The following SGCZ variants were observed in gnomAD, a reference collection of about 807,000 sequenced individuals.
The protein encoded by SGCZ is zeta-sarcoglycan.
Under a neutral mutation model 41.3 loss-of-function variants are expected in SGCZ, and 40 were observed. The observed-to-expected ratio is 0.97, with a 90% CI of 0.75 to 1.26. The LOEUF is 1.26. Among genes scored for constraint, SGCZ ranks in the 50% most tolerant of loss-of-function variants. The probability of loss-of-function intolerance (pLI) is 0.00; values close to 1 mark genes in which losing one functional copy is unlikely to be tolerated. For synonymous variants in SGCZ, 206 were observed against 137.5 expected (o/e 1.50, Z -3.49); for missense variants, 552 against 369.8 (o/e 1.49, Z -4.04).
chr8:14,782,908 T>G (rs542883778), intron 1 of SGCZ, among the ~76,000 whole-genome samples: 30 of 152,294 alleles, frequency 2.0e-4, no homozygotes, highest in Non-Finnish European at 2.5e-4. Context: ...AGAAATAAGA[T>G]GTGCTGAATC....
At chr8:14,272,613 T>C (rs1042214431) in intron 3 of SGCZ, among the ~76,000 whole-genome samples, 2 of 152,214 alleles carry the variant, frequency 1.3e-5, no homozygotes, top group Non-Finnish European at 2.9e-5. Context: ...AACTGCTGTA[T>C]GGTACCTCCT....
intron 5 of SGCZ, among the ~76,000 whole-genome samples, chr8:14,109,371 AT>A (rs982100636): frequency 1.3e-5 from 2 of 152,188 alleles, no homozygotes; most frequent in African/African-American, 4.8e-5. Flanking sequence ...TGGGAAAAAA[AT>A]GTTCCAAATA....
chr8:14,397,514 G>A (rs544189613), intron 2 of SGCZ, among the ~76,000 whole-genome samples: 4 of 152,062 alleles, frequency 2.6e-5, no homozygotes, highest in East Asian at 1.9e-4. Context: ...TGTGAAAGAC[G>A]GAAGTAACTC....
chr8:14,093,443 ATCTC>A (rs1186967139), intron 7 of SGCZ, among the ~76,000 whole-genome samples: 1 of 152,120 alleles, frequency 6.6e-6, no homozygotes, highest in African/African-American at 2.4e-5. Context: ...GATCTGGCCT[ATCTC>A]TCTAACATCA....
chr8:15,046,691 T>A (rs1348178561), intron 1 of SGCZ, among the ~76,000 whole-genome samples: 1 of 152,042 alleles, frequency 6.6e-6, no homozygotes, highest in East Asian at 1.9e-4. Context: ...TTGTTACTGA[T>A]GTGGCATTGC....
intron 4 of SGCZ, among the ~76,000 whole-genome samples, chr8:14,193,748 G>C (rs1805179766): frequency 6.6e-6 from 1 of 151,378 alleles, no homozygotes; most frequent in Non-Finnish European, 1.5e-5. Context: ...TATCTAACTT[G>C]TCTGAATGTC....
chr8:14,117,574 G>A (rs1802564351), intron 5 of SGCZ, among the ~76,000 whole-genome samples: 1 of 151,502 alleles, frequency 6.6e-6, no homozygotes, highest in Non-Finnish European at 1.5e-5. Flanking sequence ...AAAAGCTGAT[G>A]CCCTAATATA....
intron 2 of SGCZ, among the ~76,000 whole-genome samples, chr8:14,391,419 C>T (rs963040182): frequency 6.6e-6 from 1 of 151,844 alleles, no homozygotes; most frequent in African/African-American, 2.4e-5. Flanking sequence ...TGTTGTATAC[C>T]TATATACTAA....
intron 2 of SGCZ, among the ~76,000 whole-genome samples, chr8:14,516,904 T>A (rs12545302): frequency 6.6e-6 from 1 of 151,624 alleles, no homozygotes; most frequent in African/African-American, 2.4e-5. Flanking sequence ...ACACCAAGAG[T>A]ATATGGAAAC....
At chr8:14,348,712 G>A (rs543860825) in intron 2 of SGCZ, among the ~76,000 whole-genome samples, 2 of 152,186 alleles carry the variant, frequency 1.3e-5, no homozygotes, top group East Asian at 3.9e-4. Flanking sequence ...AAATTCAAAA[G>A]CTGATTTGGT....
chr8:15,153,859 A>T (rs1321122731), intron 1 of SGCZ, among the ~76,000 whole-genome samples: 2 of 152,098 alleles, frequency 1.3e-5, no homozygotes, highest in Non-Finnish European at 2.9e-5. Flanking sequence ...ATAAATCAGC[A>T]ATTTCCAACC....
intron 1 of SGCZ, among the ~76,000 whole-genome samples, chr8:14,667,864 T>C (rs1013872845): frequency 6.6e-6 from 1 of 152,198 alleles, no homozygotes; most frequent in African/African-American, 2.4e-5. Context: ...ATAAATACTA[T>C]CCCTATACAT....
intron 1 of SGCZ, among the ~76,000 whole-genome samples, chr8:14,850,715 G>T (rs539216322): frequency 6.6e-6 from 1 of 152,142 alleles, no homozygotes; most frequent in South Asian, 2.1e-4. Flanking sequence ...CATGTGTCAA[G>T]GGAGAGACCA....
chr8:15,017,532 T>C (rs1172378698), intron 1 of SGCZ, among the ~76,000 whole-genome samples: 1 of 152,154 alleles, frequency 6.6e-6, no homozygotes, highest in Non-Finnish European at 1.5e-5. Flanking sequence ...GACAGGGTCT[T>C]ACTCTGTCAC....
At chr8:14,442,327 C>A (rs1800294585) in intron 2 of SGCZ, among the ~76,000 whole-genome samples, 1 of 152,128 alleles carries the variant, frequency 6.6e-6, no homozygotes, top group Admixed American at 6.5e-5. Flanking sequence ...TTCCCTTGCA[C>A]ACACTCTCTT....
At chr8:14,354,958 T>C (rs1007261568) in intron 2 of SGCZ, among the ~76,000 whole-genome samples, 1 of 151,964 alleles carries the variant, frequency 6.6e-6, no homozygotes, top group South Asian at 2.1e-4. Flanking sequence ...TAAGCAGTTT[T>C]CTTAGTTCAA....
chr8:14,871,892 A>C (rs1187768516), intron 1 of SGCZ, among the ~76,000 whole-genome samples: 1 of 150,346 alleles, frequency 6.7e-6, no homozygotes, highest in Non-Finnish European at 1.5e-5. Flanking sequence ...ATGTATGTAT[A>C]TATGTATGTA....
At chr8:14,518,133 C>T (rs1348766438) in intron 2 of SGCZ, among the ~76,000 whole-genome samples, 1 of 151,738 alleles carries the variant, frequency 6.6e-6, no homozygotes, top group Non-Finnish European at 1.5e-5. Context: ...TCTTCTCTCT[C>T]TAAAAATATA....
intron 1 of SGCZ, among the ~76,000 whole-genome samples, chr8:15,097,741 T>C (rs1806401998): frequency 8.4e-6 from 1 of 119,274 alleles, no homozygotes; most frequent in Admixed American, 9.8e-5. Flanking sequence ...AAAAAATATA[T>C]ATATATATAC....
Sources: gnomAD v4.1 joint callset for allele counts (sites outside exome capture counted in the v4.1 genomes callset) on GRCh38, gnomAD v4.1.1 for gene constraint, MANE v1.5 for transcripts, NCBI Gene and HGNC (gene_info 2026-07-23, HGNC 2026-07-21) for gene names.